The following PHF21A variants were observed in gnomAD, a reference collection of about 807,000 sequenced individuals.
PHF21A encodes PHD finger protein 21A, also known as BHC80a.
In PHF21A, 11 loss-of-function variants were observed where a neutral mutation model predicts 82.5. The observed-to-expected ratio is 0.13, with a 90% CI of 0.08 to 0.22. The LOEUF is 0.22. Ranked by LOEUF, PHF21A falls within the 10% of genes least tolerant of loss-of-function variation. The pLI is 1.00. For synonymous variants in PHF21A, 297 were observed against 302.8 expected, an observed-to-expected ratio of 0.98 and a Z score of 0.20; for missense variants, 579 against 837.8, an observed-to-expected ratio of 0.69 and a Z score of 3.81.
chr11:45,963,434 AAAAAG>A (rs1292950197), intron 10 of PHF21A, among the ~76,000 whole-genome samples: 3 of 151,466 alleles, frequency 2.0e-5, no homozygotes, highest in Admixed American at 1.3e-4. Context: ...AAAAAAAAAA[AAAAAG>A]AAAAGAAAAA....
chr11:46,004,744 A>C (rs2095251365), intron 6 of PHF21A, among the ~76,000 whole-genome samples: 1 of 152,144 alleles, frequency 6.6e-6, no homozygotes, highest in African/African-American at 2.4e-5. Context: ...CTTTCCATTG[A>C]ACTGTCTCCT....
intron 9 of PHF21A, among the ~76,000 whole-genome samples, chr11:45,968,742 CAACATGACAAAACCCCGTCTCTACT>C (rs763600694): frequency 4.5e-4 from 68 of 151,880 alleles, no homozygotes; most frequent in Non-Finnish European, 9.6e-4. Context: ...CATTCCTGAC[CAACATGACAAAACCCCGTCTCTACT>C]AAAAATACAA....
chr11:46,009,673 T>C (rs1591923006), intron 6 of PHF21A, among the ~76,000 whole-genome samples: 4 of 152,200 alleles, frequency 2.6e-5, no homozygotes, highest in Non-Finnish European at 5.9e-5. Context: ...ATTCCAAAAG[T>C]AGCAAATAGC....
chr11:46,002,797 T>C (rs914006667), intron 6 of PHF21A, among the ~76,000 whole-genome samples: 4 of 151,938 alleles, frequency 2.6e-5, no homozygotes, highest in African/African-American at 9.7e-5. Flanking sequence ...TTATCTTTAT[T>C]CAAAAGACCC....
intron 6 of PHF21A, among the ~76,000 whole-genome samples, chr11:45,982,153 C>T (rs1344077765): frequency 6.6e-6 from 1 of 151,876 alleles, no homozygotes; most frequent in Non-Finnish European, 1.5e-5. Flanking sequence ...GATGGGGTTT[C>T]GCCATGTTGC....
At chr11:46,030,661 T>A (rs1036608542) in intron 6 of PHF21A, among the ~76,000 whole-genome samples, 2 of 152,218 alleles carry the variant, frequency 1.3e-5, no homozygotes, top group Non-Finnish European at 2.9e-5. Flanking sequence ...TTTAAACAAC[T>A]GCATCATAAA....
At chr11:45,960,529 G>A (rs532917093) in intron 10 of PHF21A, among the ~76,000 whole-genome samples, 7 of 152,126 alleles carry the variant, frequency 4.6e-5, no homozygotes, top group South Asian at 2.1e-4. Context: ...GATTGCCAGC[G>A]GCAGAGGGCA....
intron 6 of PHF21A, among the ~76,000 whole-genome samples, chr11:46,048,218 G>A (rs1390061639): frequency 6.6e-6 from 1 of 152,166 alleles, no homozygotes; most frequent in Non-Finnish European, 1.5e-5. Flanking sequence ...CCAGGGAGGT[G>A]CATATTCTAA....
At chr11:45,991,492 C>T (rs1490981215) in intron 6 of PHF21A, among the ~76,000 whole-genome samples, 3 of 152,144 alleles carry the variant, frequency 2.0e-5, no homozygotes, top group Non-Finnish European at 4.4e-5. Context: ...CCCCCAACAC[C>T]AGTATCTGGC....
chr11:46,119,291 C>G (rs939769534), intron 1 of PHF21A, among the ~76,000 whole-genome samples: 8 of 152,152 alleles, frequency 5.3e-5, no homozygotes, highest in African/African-American at 9.7e-5. Flanking sequence ...TCTTTGAAAT[C>G]TGAAACACAG....
chr11:46,118,820 T>A (rs1022860258), intron 1 of PHF21A: 3 of 152,106 alleles, frequency 2.0e-5, no homozygotes, highest in African/African-American at 2.4e-5. Context: ...AAATAAATTG[T>A]GAAACTTAAA....
At chr11:45,989,351 G>A (rs1028572820) in intron 6 of PHF21A, among the ~76,000 whole-genome samples, 6 of 151,960 alleles carry the variant, frequency 3.9e-5, no homozygotes, top group African/African-American at 1.5e-4. Flanking sequence ...AAACAAATTT[G>A]GTTAAAAATT....
chr11:45,933,537 T>C lies in PHF21A; in HGVS notation c.*431A>G, dbSNP rs1203218541. ...GGAAAGCCCACACACTCTTTGGACTTGTCTTCTCTACCTAAACAAACGGCT... is the reference window on the plus strand; with the variant it reads ...GGAAAGCCCACACACTCTTTGGACTCGTCTTCTCTACCTAAACAAACGGCT... On this transcript the variant is annotated 3_prime_UTR_variant, in exon 19 of 19. Coordinates refer to ENST00000676320, the MANE Select transcript of PHF21A (RefSeq NM_001352027.3). The C allele has an allele frequency of 6.3e-6, 1 of 157,952 alleles. No homozygotes were observed. The highest frequency in any genetic ancestry group is 2.4e-5 in the African/African-American group (1 of 41,632). The allele number at this position is 157,952 out of a possible 1,614,324, so 9.8% of individuals were successfully genotyped here. A position where few individuals can be genotyped will look rare whatever the true frequency, so the allele number is the denominator to read the frequency against.
At chr11:46,003,987 A>G (rs1214459149) in intron 6 of PHF21A, among the ~76,000 whole-genome samples, 1 of 152,218 alleles carries the variant, frequency 6.6e-6, no homozygotes, top group African/African-American at 2.4e-5. Context: ...AAATGCTTCA[A>G]TATATTAAGT....
chr11:46,057,290 T>A (rs1400865618), intron 6 of PHF21A, among the ~76,000 whole-genome samples: 1 of 152,180 alleles, frequency 6.6e-6, no homozygotes, highest in East Asian at 1.9e-4. Flanking sequence ...ATAAGTTTTA[T>A]GGGAGAGAGT....
At chr11:46,071,373 G>C (rs1020106172) in intron 6 of PHF21A, among the ~76,000 whole-genome samples, 2 of 152,218 alleles carry the variant, frequency 1.3e-5, no homozygotes, top group Admixed American at 6.5e-5. Flanking sequence ...AACTGAAGCA[G>C]AGGTGCCTGG....
At chr11:45,981,940 CTTTTTTTTTTTT>C (rs754937092) in intron 6 of PHF21A, among the ~76,000 whole-genome samples, 17 of 78,270 alleles carry the variant, frequency 2.2e-4, no homozygotes, top group East Asian at 8.9e-4. Context: ...TTTTGTTTTT[CTTTTTTTTTTTT>C]TTTTTTTTTT....
intron 6 of PHF21A, among the ~76,000 whole-genome samples, chr11:46,050,490 A>G (rs1170594771): frequency 2.6e-5 from 4 of 152,232 alleles, no homozygotes; most frequent in Non-Finnish European, 4.4e-5. Context: ...GAAAGCAACA[A>G]GAAATAAAAG....
chr11:46,106,682 A>G (rs574781117), intron 1 of PHF21A, among the ~76,000 whole-genome samples: 1 of 152,358 alleles, frequency 6.6e-6, no homozygotes, highest in African/African-American at 2.4e-5. Context: ...TGCATGCTGC[A>G]TACTCCACAA....
Sources: gnomAD v4.1 joint callset for allele counts (sites outside exome capture counted in the v4.1 genomes callset) on GRCh38, gnomAD v4.1.1 for gene constraint, MANE v1.5 for transcripts, NCBI Gene and HGNC (gene_info 2026-07-23, HGNC 2026-07-21) for gene names.